The following EXO1 variants were observed in gnomAD, a reference collection of about 807,000 sequenced individuals.
EXO1 encodes the protein exonuclease 1.
EXO1 carries 69 observed loss-of-function variants against 84.5 expected under a neutral mutation model. The observed-to-expected ratio is 0.82, with a 90% CI of 0.67 to 1.00. EXO1 has a LOEUF of 1.00. Among genes scored for constraint, EXO1 ranks in the 50% least tolerant of loss-of-function variants. The pLI, the probability that EXO1 is intolerant of heterozygous loss-of-function variation, is 0.00. For missense variants in EXO1, 1,045 were observed against 1,000.7 expected, an observed-to-expected ratio of 1.04 and a Z score of -0.60; for synonymous variants, 373 against 366.1, an observed-to-expected ratio of 1.02 and a Z score of -0.21.
chr1:241,877,130 T>G lies in EXO1; in HGVS notation c.1515-1619T>G, dbSNP rs890003457. ...TTGCCTGCATTTTGGAAGCCTGTTT[T>G]AAGTCTTAATTATTTTTATTATGTA... On this transcript the variant is annotated intron_variant, in intron 12 of 15. Transcript: ENST00000366548. Among the ~76,000 whole-genome samples, 6 of 152,206 alleles carry G rather than the reference T, an allele frequency of 3.9e-5. No individual in the cohort carries two copies. The South Asian group carries it at 8.3e-4, about 21-fold the overall frequency.
At chr1:241,863,417 A>C (rs942047368) in intron 10 of EXO1, among the ~76,000 whole-genome samples, 4 of 108,596 alleles carry the variant, frequency 3.7e-5, no homozygotes, top group Admixed American at 3.5e-4. Flanking sequence ...CTAAAAAAAA[A>C]AAAAACAAAA....
intron 12 of EXO1, among the ~76,000 whole-genome samples, chr1:241,873,942 C>T (rs1662256106): frequency 6.6e-6 from 1 of 152,104 alleles, no homozygotes; most frequent in Non-Finnish European, 1.5e-5. Context: ...CAGCATGGGG[C>T]TCAGGACAAC....
At chr1:241,877,714 C>T (rs367619460) in intron 12 of EXO1, among the ~76,000 whole-genome samples, 236 of 151,952 alleles carry the variant, frequency 1.6e-3, no homozygotes, top group African/African-American at 5.5e-3. Context: ...CTTTCATTTT[C>T]ATTGGAATTT....
In EXO1 at chr1:241,852,622, C is replaced by T. The variant is rs1660736290; in HGVS notation, c.281+211C>T. Reference sequence around the variant, plus strand: ...ATCATCGCTGTGAAGAGCCACTGTACTCCAGCCTGGGCAACATAGTGAGAC... The same window carrying T: ...ATCATCGCTGTGAAGAGCCACTGTATTCCAGCCTGGGCAACATAGTGAGAC... On this transcript the variant is annotated intron_variant, in intron 5 of 15. Transcript: ENST00000366548. 5.3e-5 allele frequency among the ~76,000 whole-genome samples: 8 copies of T among 152,188 alleles called. No homozygotes were observed. In the South Asian group the frequency reaches 1.7e-3, roughly 32 times the overall value.
At position 241,878,989 on chromosome 1, in the gene EXO1, C is replaced by T. The variant is rs4149977; in HGVS notation, c.1755C>T (p.Ser585=). 620 of 1,613,860 alleles carry T rather than the reference C, an allele frequency of 3.8e-4. 3 individuals carry two copies. The African/African-American group carries it at 7.4e-3, about 19-fold the overall frequency. ...CAACAGTGTTTACAGATGAAGAGTCCTACTCTTTTGAGAGCAGCAAATTTA... is the reference window on the plus strand; with the variant it reads ...CAACAGTGTTTACAGATGAAGAGTCTTACTCTTTTGAGAGCAGCAAATTTA... The part of the protein sequence containing the change: ...DKATVFTDEE[S]YSFESSKFTR... Residue 585 remains serine, a synonymous_variant, in exon 13 of 16, where the codon TCC becomes TCT. Coordinates refer to ENST00000366548, the MANE Select transcript of EXO1 (RefSeq NM_130398.4).
chr1:241,854,131 T>C (rs142465590), intron 6 of EXO1, among the ~76,000 whole-genome samples: 5 of 152,196 alleles, frequency 3.3e-5, no homozygotes, highest in African/African-American at 1.2e-4. Flanking sequence ...GGTGTTGTGG[T>C]TTTTTTGTTC....
intron 9 of EXO1, among the ~76,000 whole-genome samples, chr1:241,860,969 G>A (rs1452278042): frequency 2.6e-5 from 4 of 152,122 alleles, no homozygotes; most frequent in South Asian, 4.2e-4. Flanking sequence ...CGTCACTTAC[G>A]GTACACATTC....
chr1:241,883,120 GT>G (rs1419020296), intron 14 of EXO1, among the ~76,000 whole-genome samples: 9 of 151,998 alleles, frequency 5.9e-5, no homozygotes. Context: ...TTTTTCTTGT[GT>G]TTTTCTACCA....
At chr1:241,855,580 G>C (rs1397985369) in intron 6 of EXO1, among the ~76,000 whole-genome samples, 1 of 152,222 alleles carries the variant, frequency 6.6e-6, no homozygotes, top group African/African-American at 2.4e-5. Context: ...CCGTCTGCCC[G>C]CACTCCTCAG....
At chr1:241,888,301 G>T (rs543669376) in intron 15 of EXO1, among the ~76,000 whole-genome samples, 2 of 152,260 alleles carry the variant, frequency 1.3e-5, no homozygotes, top group South Asian at 4.1e-4. Flanking sequence ...TAAAATTAAT[G>T]ATTTGTACTG....
chr1:241,865,959 T>G (rs916383979), intron 10 of EXO1, among the ~76,000 whole-genome samples: 2 of 152,208 alleles, frequency 1.3e-5, no homozygotes, highest in Non-Finnish European at 2.9e-5. Flanking sequence ...TTGATTAGAT[T>G]CTGAGTTCAT....
chr1:241,867,419 G>A (rs1034587046), intron 11 of EXO1, among the ~76,000 whole-genome samples: 2 of 152,060 alleles, frequency 1.3e-5, no homozygotes, highest in Non-Finnish European at 2.9e-5. Flanking sequence ...TGGGGGAAAC[G>A]GCCACCATGA....
rs766986774 is a variant in EXO1, at chr1:241,878,941, A to G, written c.1707A>G (p.Pro569=). ...SSDDIPNNHI[P]GDHIPDKATV... is the part of the protein sequence containing the mutation. ...ATGACATTCCGAATAATCATATTCC[A>G]GGTGATCATATTCCAGACAAGGCAA... The change falls in exon 13 of 16, where the codon CCA becomes CCG. Residue 569 remains proline, a synonymous_variant. Transcript: ENST00000366548. 18 of 1,614,070 alleles carry G rather than the reference A, an allele frequency of 1.1e-5. No homozygotes were observed. The highest frequency in any genetic ancestry group is 1.6e-4 in the Middle Eastern group (1 of 6,084).
At chr1:241,850,097 T>G (rs1287885160) in intron 3 of EXO1, among the ~76,000 whole-genome samples, 1 of 151,798 alleles carries the variant, frequency 6.6e-6, no homozygotes, top group Non-Finnish European at 1.5e-5. Context: ...CTGGCTAACA[T>G]GGTGAAACCC....
At chr1:241,869,468 A>G (rs1366760765) in intron 11 of EXO1, among the ~76,000 whole-genome samples, 13 of 152,320 alleles carry the variant, frequency 8.5e-5, no homozygotes, top group Admixed American at 7.8e-4. Context: ...TCCCTCAGAC[A>G]TCTACATCGG....
intron 12 of EXO1, among the ~76,000 whole-genome samples, chr1:241,878,466 C>T (rs1389440050): frequency 2.7e-5 from 4 of 146,276 alleles, no homozygotes; most frequent in Admixed American, 1.4e-4. Context: ...CACTGCACTC[C>T]AGCCTGGTGA....
At chr1:241,867,171 G>T in intron 11 of EXO1, 116 bp downstream of exon 11, 1 of 788,592 alleles carries the variant, frequency 1.3e-6, no homozygotes, top group Non-Finnish European at 2.2e-6. Context: ...TTTTATAGTT[G>T]TATTAGTCCA....
At chr1:241,859,831 G>A (rs1661273025) in intron 8 of EXO1, among the ~76,000 whole-genome samples, 1 of 152,066 alleles carries the variant, frequency 6.6e-6, no homozygotes, top group Admixed American at 6.6e-5. Context: ...TTTCCCCCTT[G>A]GATATTCTCT....
At chr1:241,874,903 G>A (rs371246935) in intron 12 of EXO1, among the ~76,000 whole-genome samples, 14 of 152,328 alleles carry the variant, frequency 9.2e-5, no homozygotes, top group African/African-American at 3.1e-4. Flanking sequence ...AAGTGATCTA[G>A]GCATGATAGA....
Sources: allele counts gnomAD v4.1 joint callset (sites outside exome capture counted in the v4.1 genomes callset), GRCh38; gene constraint gnomAD v4.1.1; transcripts MANE v1.5; gene names NCBI Gene and HGNC (gene_info 2026-07-23, HGNC 2026-07-21).